Variants in RNF14 observed in about 807,000 individuals in gnomAD.
RNF14 encodes the protein ring finger protein 14.
In RNF14, 26 loss-of-function variants were observed where a neutral mutation model predicts 52.6. The observed-to-expected ratio is 0.49, with a 90% CI of 0.36 to 0.69. The LOEUF is 0.69. Among genes scored for constraint, RNF14 ranks in the 30% least tolerant of loss-of-function variants. The probability of loss-of-function intolerance (pLI) is 0.00; values close to 1 mark genes in which losing one functional copy is unlikely to be tolerated. For missense variants in RNF14, 404 were observed against 560.4 expected (o/e 0.72, Z 2.82); for synonymous variants, 194 against 202.0 (o/e 0.96, Z 0.34).
At position 141,987,834 on chromosome 5, in the gene RNF14, T is replaced by A. The variant is rs764875716; in HGVS notation, c.*44T>A. The A allele has an allele frequency of 6.4e-6, 10 of 1,568,796 alleles. No individual in the cohort carries two copies. The Admixed American group carries it at 8.3e-5, about 13-fold the overall frequency. ...ATGGAAGTGGATTGTTTTTCCCTAA[T>A]CTTCCGTCAAGTACACAAAGTAACT... On this transcript the variant is annotated 3_prime_UTR_variant, in exon 9 of 9. Transcript: ENST00000394520.
At chr5:141,983,029 C>A (rs1754918612) in intron 6 of RNF14, among the ~76,000 whole-genome samples, 1 of 152,096 alleles carries the variant, frequency 6.6e-6, no homozygotes, top group Admixed American at 6.6e-5. Flanking sequence ...GATTCCTTTC[C>A]ATTTATTATC....
At chr5:141,979,433 G>C (rs1384455834) in intron 5 of RNF14, among the ~76,000 whole-genome samples, 1 of 152,142 alleles carries the variant, frequency 6.6e-6, no homozygotes, top group Non-Finnish European at 1.5e-5. Flanking sequence ...TGTATTTTTA[G>C]TAGAGACGGG....
At chr5:141,964,403 A>G (rs1753299906), upstream of RNF14, among the ~76,000 whole-genome samples, 1 of 152,178 alleles carries the variant, frequency 6.6e-6, no homozygotes, top group African/African-American at 2.4e-5. Context: ...ATGGCAAGTC[A>G]ATTATCTATG....
At chr5:141,980,080 T>C (rs1243104103) in intron 5 of RNF14, 43 bp from the exon 6 acceptor site, 1 of 1,523,706 alleles carries the variant, frequency 6.6e-7, no homozygotes, top group Non-Finnish European at 9.1e-7. Context: ...TCAGAACTGG[T>C]TGTGGAATCA....
At position 141,984,895 on chromosome 5, in the gene RNF14, C is replaced by A. The variant is rs767430881; in HGVS notation, c.1329C>A (p.Tyr443Ter). The change falls in exon 8 of 9, where the codon TAC (tyrosine) becomes TAA (stop). Residue 443 changes from tyrosine to a stop codon, truncating the protein, a stop_gained. Coordinates refer to ENST00000394520, the MANE Select transcript of RNF14 (RefSeq NM_004290.5). LOFTEE classifies it high-confidence loss of function. ...GTTCTCTCTCTAGAGCAAACCCTTA[C>A]AAACATTTCAATGACCCTGGTTCAC... is the stretch of plus-strand genomic sequence containing the variant. ...CMGSLSRANPYKHFNDPGSPC... is the reference protein window; with the variant it reads ...CMGSLSRANP 3.1e-6 allele frequency: 5 copies of A among 1,613,810 alleles called. No individual in the cohort carries two copies. The highest frequency in any genetic ancestry group is 2.2e-5 in the East Asian group (1 of 44,866).
At chr5:141,957,111 A>G (rs902920631), upstream of RNF14, 8 of 1,613,772 alleles carry the variant, frequency 5.0e-6, no homozygotes, top group Admixed American at 6.7e-5. This position sits in a 1 kb window ranked among gnomAD's most constrained non-coding sequence, Gnocchi z 4.3. Context: ...GTGCCAGTGA[A>G]CTCTCAGCAA....
In RNF14 at chr5:141,987,652, C is replaced by T. The variant is rs1416659036; in HGVS notation, c.1368-81C>T. On this transcript the variant is annotated intron_variant, in intron 8 of 8. Coordinates refer to ENST00000394520, the MANE Select transcript of RNF14 (RefSeq NM_004290.5). ...GATGTACAAAGATGTTATAAGAGTA[C>T]AAAAAATATTTTTCAGCGGAGAGGC... The T allele has an allele frequency of 2.4e-5, 33 of 1,355,852 alleles. No homozygotes were observed. The South Asian group carries it at 3.6e-4, about 15-fold the overall frequency. 84.0% of individuals were successfully genotyped at this position (1,355,852 alleles called of 1,614,324 possible). A position where few individuals can be genotyped will look rare whatever the true frequency, so the allele number is the denominator to read the frequency against.
chr5:141,970,258 G>A (rs892114406), intron 1 of RNF14, among the ~76,000 whole-genome samples: 2 of 152,112 alleles, frequency 1.3e-5, no homozygotes, highest in Non-Finnish European at 2.9e-5. Context: ...TTTTGTTTAA[G>A]TATTTTTCTG....
At chr5:141,955,526 G>T (rs763675085), upstream of RNF14, 1 of 1,614,138 alleles carries the variant, frequency 6.2e-7, no homozygotes. This position sits in a 1 kb window ranked among gnomAD's most constrained non-coding sequence, Gnocchi z 5.5. Context: ...GGCACGAGGT[G>T]GATGTCTGCC....
At chr5:141,957,371 C>T, upstream of RNF14, 1 of 1,613,808 alleles carries the variant, frequency 6.2e-7, no homozygotes, top group Non-Finnish European at 8.5e-7. The surrounding 1 kb of genome is among the most constrained non-coding windows in gnomAD (Gnocchi z 4.3). Context: ...GTGTCTGGGT[C>T]AAGAGCTCTG....
At chr5:141,975,048 C>T (rs1754123718) in intron 4 of RNF14, 93 bp downstream of exon 4, 2 of 1,327,384 alleles carry the variant, frequency 1.5e-6, no homozygotes, top group South Asian at 2.6e-5. Flanking sequence ...GAATTCAGTG[C>T]ATGAAAAACA....
At chr5:141,956,439 T>C, upstream of RNF14, 2 of 1,614,226 alleles carry the variant, frequency 1.2e-6, no homozygotes, top group Non-Finnish European at 1.7e-6. Context: ...GTAAGTTGTT[T>C]TCCCGCGTGG....
chr5:141,957,747 T>G (rs774340463), upstream of RNF14: 3 of 1,613,174 alleles, frequency 1.9e-6, no homozygotes, highest in Non-Finnish European at 2.5e-6. The surrounding 1 kb of genome is among the most constrained non-coding windows in gnomAD (Gnocchi z 4.3). Context: ...CCTCTGACAC[T>G]TGGTATTTCA....
chr5:141,969,754 T>C (rs1241019305), intron 1 of RNF14: 1 of 152,252 alleles, frequency 6.6e-6, no homozygotes, highest in East Asian at 1.9e-4. Flanking sequence ...GGAAAACTAC[T>C]GAGGCCTGAA....
upstream of RNF14, chr5:141,957,132 A>C: frequency 6.2e-7 from 1 of 1,614,154 alleles, no homozygotes; most frequent in East Asian, 2.2e-5. The surrounding 1 kb of genome is among the most constrained non-coding windows in gnomAD (Gnocchi z 4.3). Context: ...ACGCAGGGCT[A>C]TTGTCATTGG....
rs1287076133 is a variant in RNF14, at chr5:141,959,830, G to T, written c.-181+1405G>T. On this transcript the variant is annotated intron_variant, in intron 1 of 4. Coordinates refer to the RNF14 transcript ENST00000506822. ...GACAGACAGGCCACTCACAAGCTCT[G>T]AGACACTGCACAAGGGACTTAACCT... Among the ~76,000 whole-genome samples the T allele has an allele frequency of 2.0e-5, 3 of 152,148 alleles. No homozygotes were observed. In the East Asian group the frequency reaches 5.8e-4, roughly 29 times the overall value.
chr5:141,983,559 GT>G lies in RNF14; in HGVS notation c.1236+11del. 6.2e-7 allele frequency: 1 copy of G among 1,604,382 alleles called. No homozygotes were observed. Among genetic ancestry groups the G allele is most frequent in the African/African-American group, 1.3e-5 (1 of 74,432 alleles). ...TTGTGGAACTCCCATAGAGGTAAAT[GT>G]TTTGGGACAGACTTGGAGGCCATCA... is the stretch of plus-strand genomic sequence containing the variant. On this transcript the variant is annotated splice_region_variant and intron_variant, in intron 7 of 8. Coordinates refer to ENST00000394520, the MANE Select transcript of RNF14 (RefSeq NM_004290.5).
At chr5:141,983,310 GC>G in intron 6 of RNF14, 69 bp from the exon 7 acceptor site, 1 of 1,201,910 alleles carries the variant, frequency 8.3e-7, no homozygotes, top group Non-Finnish European at 1.2e-6. Context: ...GAAGATTATA[GC>G]CATTTTTAAT....
upstream of RNF14, chr5:141,956,565 A>G (rs887192080): frequency 9.3e-6 from 15 of 1,614,010 alleles, no homozygotes; most frequent in African/African-American, 1.3e-5. Flanking sequence ...GGGCTAACAG[A>G]GTGAGGGTAT....
Sources: allele counts gnomAD v4.1 joint callset (sites outside exome capture counted in the v4.1 genomes callset), GRCh38; gene constraint gnomAD v4.1.1; non-coding constraint Gnocchi (gnomAD v3.1); transcripts MANE v1.5; gene names NCBI Gene and HGNC (gene_info 2026-07-23, HGNC 2026-07-21).